The following SORBS2 variants were observed in gnomAD, a reference collection of about 807,000 sequenced individuals.
SORBS2 encodes sorbin and SH3 domain containing 2.
Under a neutral mutation model 97.7 loss-of-function variants are expected in SORBS2, and 46 were observed. The observed-to-expected ratio is 0.47, with a 90% CI of 0.37 to 0.60. SORBS2 has a LOEUF of 0.60. Ranked by LOEUF, SORBS2 falls within the 20% of genes least tolerant of loss-of-function variation. SORBS2 has a pLI of 0.00. For synonymous variants in SORBS2, 476 were observed against 473.4 expected, an observed-to-expected ratio of 1.01 and a Z score of -0.07; for missense variants, 1,316 against 1,282.3, an observed-to-expected ratio of 1.03 and a Z score of -0.40.
intron 12 of SORBS2, among the ~76,000 whole-genome samples, chr4:185,594,937 T>C (rs1157933246): frequency 6.6e-6 from 1 of 152,196 alleles, no homozygotes; most frequent in African/African-American, 2.4e-5. Flanking sequence ...AGCTATTAGA[T>C]CCATGTCCTT....
At chr4:185,596,829 G>T (rs927413824) in intron 12 of SORBS2, among the ~76,000 whole-genome samples, 1 of 151,748 alleles carries the variant, frequency 6.6e-6, no homozygotes, top group Non-Finnish European at 1.5e-5. Context: ...CACTGCGCCC[G>T]GCCCCCGTCC....
At chr4:185,701,377 G>A (rs1204896106) in intron 2 of SORBS2, among the ~76,000 whole-genome samples, 1 of 152,192 alleles carries the variant, frequency 6.6e-6, no homozygotes, top group Non-Finnish European at 1.5e-5. Flanking sequence ...CTGGGACTCA[G>A]CCTGTTCTCC....
chr4:185,720,967 A>G (rs889916027), intron 2 of SORBS2, among the ~76,000 whole-genome samples: 2 of 152,120 alleles, frequency 1.3e-5, no homozygotes, highest in African/African-American at 4.8e-5. Context: ...TGCATTGGGA[A>G]TGATACTAAA....
At chr4:185,789,033 A>G (rs144885659) in intron 1 of SORBS2, among the ~76,000 whole-genome samples, 206 of 152,358 alleles carry the variant, frequency 1.4e-3, no homozygotes, top group African/African-American at 4.7e-3. Context: ...GCTGGAGAAT[A>G]CATGATTCCT....
chr4:185,939,126 T>C (rs1353266373), intron 1 of SORBS2, among the ~76,000 whole-genome samples: 1 of 152,190 alleles, frequency 6.6e-6, no homozygotes, highest in African/African-American at 2.4e-5. Flanking sequence ...CTATATACTT[T>C]AAGAAAATAG....
chr4:185,675,902 C>G (rs60618255), intron 4 of SORBS2, among the ~76,000 whole-genome samples: 31 of 151,970 alleles, frequency 2.0e-4, no homozygotes, highest in African/African-American at 7.5e-4. Flanking sequence ...GTTTAAGGCT[C>G]GTCTGCTTTA....
rs1429999847 is a variant in SORBS2 at position 185,827,961 on chromosome 4, ATCATCATCATC to A, written c.-337-52606_-337-52596del. Among the ~76,000 whole-genome samples the A allele has an allele frequency of 3.5e-4, 13 of 37,014 alleles. 1 individual carries two copies. In the East Asian group the frequency reaches 4.7e-3, roughly 13 times the overall value. 24.3% of individuals were successfully genotyped at this position (37,014 alleles called of 152,430 possible). On this transcript the variant is annotated intron_variant, in intron 1 of 20. Coordinates refer to the SORBS2 transcript ENST00000284776. ...CATCATCATCATCATCATCGTCACC[ATCATCATCATC>A]TCATCACCATCATCATCATCATCAC...
rs1204439540 is a variant in SORBS2, at chr4:185,623,790, G to T, written c.1339C>A (p.Leu447Ile). The change falls in exon 7 of 15, where the codon CTA (leucine) becomes ATA (isoleucine). Residue 447 changes from leucine (L) to isoleucine (I), a missense_variant. Physicochemically the swap from Leu to Ile is conservative, Grantham distance 5. Transcript: ENST00000418609. This position sits in a 1 kb window ranked among gnomAD's most constrained non-coding sequence, Gnocchi z 6.4. ...ATGGAAAACCGCCTCTTGGGACATA[G>T]GCCATTTTGCGGTGGTTCTAGGGTT... 2 of 1,614,164 alleles carry T rather than the reference G, an allele frequency of 1.2e-6. No individual in the cohort carries two copies. The highest frequency in any genetic ancestry group is 4.5e-5 in the East Asian group (2 of 44,872).
intron 1 of SORBS2, among the ~76,000 whole-genome samples, chr4:185,852,559 T>C (rs1288947595): frequency 6.6e-6 from 1 of 152,242 alleles, no homozygotes; most frequent in Non-Finnish European, 1.5e-5. Flanking sequence ...GGTTTTGATA[T>C]GGCTGTAGCT....
At chr4:185,731,909 T>TATATATATA (rs1491340120) in intron 2 of SORBS2, among the ~76,000 whole-genome samples, 1 of 97,618 alleles carries the variant, frequency 1.0e-5, no homozygotes, top group African/African-American at 4.0e-5. Flanking sequence ...TATATATATA[T>TATATATATA]GTCTGTTTCT....
chr4:185,604,555 G>A (rs1420648602), intron 12 of SORBS2, among the ~76,000 whole-genome samples: 6 of 152,212 alleles, frequency 3.9e-5, no homozygotes, highest in African/African-American at 4.8e-5. Flanking sequence ...AAGACGAGAG[G>A]TGATTATGCT....
chr4:185,898,955 A>G (rs1377820745), intron 1 of SORBS2, among the ~76,000 whole-genome samples: 1 of 152,212 alleles, frequency 6.6e-6, no homozygotes, highest in Non-Finnish European at 1.5e-5. Flanking sequence ...GGAACTACAC[A>G]AAACCTATCA....
chr4:185,659,091 A>G (rs1040988119), upstream of SORBS2, among the ~76,000 whole-genome samples: 18 of 152,164 alleles, frequency 1.2e-4, no homozygotes, highest in African/African-American at 4.3e-4. Flanking sequence ...CCATTGTAAC[A>G]TTTGTAACTG....
intron 2 of SORBS2, among the ~76,000 whole-genome samples, chr4:185,736,635 C>G (rs2098689536): frequency 6.6e-6 from 1 of 152,330 alleles, no homozygotes; most frequent in African/African-American, 2.4e-5. Context: ...TGGGTGACAT[C>G]CAGCCCCCTT....
intron 1 of SORBS2, among the ~76,000 whole-genome samples, chr4:185,841,741 C>G (rs2099211673): frequency 6.6e-6 from 1 of 152,162 alleles, no homozygotes; most frequent in South Asian, 2.1e-4. Context: ...CAATTTGTTT[C>G]CCGAAAGACT....
At chr4:185,838,090 T>G (rs1251319121) in intron 1 of SORBS2, among the ~76,000 whole-genome samples, 2 of 152,248 alleles carry the variant, frequency 1.3e-5, no homozygotes, top group Non-Finnish European at 2.9e-5. Flanking sequence ...GATGCTTTTC[T>G]AAGTTTGTGT....
intron 1 of SORBS2, among the ~76,000 whole-genome samples, chr4:185,947,571 T>G (rs2099275120): frequency 6.6e-6 from 1 of 152,020 alleles, no homozygotes; most frequent in Non-Finnish European, 1.5e-5. Context: ...TTCGGTCATC[T>G]CACCTACACA....
intron 2 of SORBS2, among the ~76,000 whole-genome samples, chr4:185,749,471 T>C (rs878901899): frequency 3.3e-5 from 5 of 152,030 alleles, no homozygotes; most frequent in Admixed American, 3.3e-4. Context: ...GAAAAAAAAC[T>C]TTTAAGATGA....
At chr4:185,752,988 A>T (rs2153600805) in intron 2 of SORBS2, among the ~76,000 whole-genome samples, 1 of 152,350 alleles carries the variant, frequency 6.6e-6, no homozygotes, top group Middle Eastern at 3.4e-3. Flanking sequence ...AATTCTAGCC[A>T]AATATACAAA....
Sources: allele counts gnomAD v4.1 joint callset (sites outside exome capture counted in the v4.1 genomes callset), GRCh38; gene constraint gnomAD v4.1.1; non-coding constraint Gnocchi (gnomAD v3.1); transcripts MANE v1.5; gene names NCBI Gene and HGNC (gene_info 2026-07-23, HGNC 2026-07-21).